LDAH: variants seen among roughly 807,000 people sequenced by gnomAD.
LDAH encodes the protein lipid droplet associated hydrolase.
Under a neutral mutation model 29.6 loss-of-function variants are expected in LDAH, and 26 were observed. That is an observed-to-expected ratio of 0.88 (90% CI 0.64 to 1.22). LDAH has a LOEUF of 1.22. LDAH is among the 50% of genes most tolerant of loss of function. The probability of loss-of-function intolerance (pLI) is 0.00; values close to 1 mark genes in which losing one functional copy is unlikely to be tolerated. For synonymous variants in LDAH, 117 were observed against 133.0 expected, an observed-to-expected ratio of 0.88 and a Z score of 0.83; for missense variants, 344 against 387.3, an observed-to-expected ratio of 0.89 and a Z score of 0.94.
chr2:20,794,828 A>G (rs1285402792), intron 2 of LDAH, among the ~76,000 whole-genome samples: 1 of 152,202 alleles, frequency 6.6e-6, no homozygotes, highest in Non-Finnish European at 1.5e-5. Context: ...TGGCACTCAC[A>G]TACAATAAAT....
chr2:20,812,548 T>C (rs16988079), intron 1 of LDAH, among the ~76,000 whole-genome samples: 5,651 of 152,288 alleles, frequency 0.037, 131 homozygotes, highest in Middle Eastern at 0.051. Flanking sequence ...TCATGACTTC[T>C]CTGCTGCCAT....
At chr2:20,764,902 T>C (rs1047013048) in intron 4 of LDAH, among the ~76,000 whole-genome samples, 5 of 152,222 alleles carry the variant, frequency 3.3e-5, no homozygotes, top group African/African-American at 1.2e-4. Context: ...AAAAATCAGA[T>C]TGTTAAAATA....
chr2:20,694,949 T>G (rs1021549566), intron 6 of LDAH, among the ~76,000 whole-genome samples: 1 of 152,248 alleles, frequency 6.6e-6, no homozygotes, highest in African/African-American at 2.4e-5. Flanking sequence ...GGGCCTCTGC[T>G]TTCCTCTGGC....
chr2:20,736,865 G>T lies in LDAH; in HGVS notation c.703+3106C>A, dbSNP rs115088994. On this transcript the variant is annotated intron_variant, in intron 5 of 6. Transcript: ENST00000237822. ...ATGGTATTTAAGTCTGAACTCAGAA[G>T]CCACCTCTTTGAGATTTACTCATTT... is the stretch of plus-strand genomic sequence containing the variant. 2.4e-3 allele frequency among the ~76,000 whole-genome samples: 359 copies of T among 152,214 alleles called. 1 individual carries two copies. The highest frequency in any genetic ancestry group is 8.4e-3 in the African/African-American group (349 of 41,550).
At chr2:20,778,211 A>G (rs1669946672) in intron 3 of LDAH, among the ~76,000 whole-genome samples, 1 of 152,172 alleles carries the variant, frequency 6.6e-6, no homozygotes, top group Admixed American at 6.5e-5. Flanking sequence ...CTGTAACCCC[A>G]GCCCCAATAT....
chr2:20,686,927 T>C lies in LDAH; in HGVS notation c.954A>G (p.Leu318=). Residue 318 remains leucine (L), a synonymous_variant, in exon 7 of 7, where the codon CTA becomes CTG. Coordinates refer to ENST00000237822, the MANE Select transcript of LDAH (RefSeq NM_021925.4). ...TTTACATTTTGGACAAGTCATCCTTTAGGGAGTCAGCAATCATGTCTGCCA... is the reference window on the plus strand; with the variant it reads ...TTTACATTTTGGACAAGTCATCCTTCAGGGAGTCAGCAATCATGTCTGCCA... ...QEMADMIADS[L]KDDLSKM is the part of the protein sequence containing the mutation. The C allele has an allele frequency of 6.2e-7, 1 of 1,613,904 alleles. No individual in the cohort carries two copies. Among genetic ancestry groups the C allele is most frequent in the Non-Finnish European group, 8.5e-7 (1 of 1,179,878 alleles).
chr2:20,756,678 T>G (rs1668365731), intron 4 of LDAH, among the ~76,000 whole-genome samples: 1 of 151,964 alleles, frequency 6.6e-6, no homozygotes, highest in African/African-American at 2.4e-5. Context: ...TGCAAAAAAC[T>G]AAAAATTGAA....
intron 5 of LDAH, among the ~76,000 whole-genome samples, chr2:20,735,489 TCTC>T (rs1666711579): frequency 6.6e-6 from 1 of 152,218 alleles, no homozygotes; most frequent in Non-Finnish European, 1.5e-5. Context: ...TTTTCTATCT[TCTC>T]ATTAGTTTCA....
chr2:20,716,323 A>C (rs2149387153), intron 5 of LDAH, among the ~76,000 whole-genome samples: 1 of 152,262 alleles, frequency 6.6e-6, no homozygotes, highest in African/African-American at 2.4e-5. Context: ...ACTTGGAACC[A>C]ACCCAAATGT....
intron 5 of LDAH, among the ~76,000 whole-genome samples, chr2:20,715,189 A>C (rs1031164064): frequency 1.3e-5 from 2 of 152,224 alleles, no homozygotes; most frequent in East Asian, 3.8e-4. Flanking sequence ...TCCACGATCA[A>C]GTTGGCTTCA....
chr2:20,776,559 G>A (rs1669840136), intron 3 of LDAH, among the ~76,000 whole-genome samples: 1 of 152,086 alleles, frequency 6.6e-6, no homozygotes, highest in Non-Finnish European at 1.5e-5. Context: ...AACATGTTAT[G>A]CTCTCACTCT....
chr2:20,814,179 T>C (rs1390905566), intron 1 of LDAH, among the ~76,000 whole-genome samples: 1 of 142,384 alleles, frequency 7.0e-6, no homozygotes, highest in Non-Finnish European at 1.5e-5. Flanking sequence ...TCATACTTAC[T>C]GAGAAAGAGC....
At chr2:20,790,791 C>T (rs1420205138) in intron 2 of LDAH, among the ~76,000 whole-genome samples, 1 of 152,162 alleles carries the variant, frequency 6.6e-6, no homozygotes, top group Non-Finnish European at 1.5e-5. Flanking sequence ...TAATTGTAAA[C>T]AGGTGTACAG....
rs375720453 is a variant in LDAH at position 20,779,551 on chromosome 2, CATATATATAA to C, written c.299-4582_299-4573del. On this transcript the variant is annotated intron_variant, in intron 3 of 6. Coordinates refer to ENST00000237822, the MANE Select transcript of LDAH (RefSeq NM_021925.4). ...ATAATATGTTGTTCACCATGCTATA[CATATATATAA>C]ATATATATAACTACAAACATAAAAA... is the stretch of plus-strand genomic sequence containing the variant. 5.2e-3 allele frequency among the ~76,000 whole-genome samples: 796 copies of C among 151,712 alleles called. 7 individuals are homozygous for C. Among genetic ancestry groups the C allele is most frequent in the African/African-American group, 0.018 (742 of 41,366 alleles).
chr2:20,813,843 CT>C (rs1672666762), intron 1 of LDAH, among the ~76,000 whole-genome samples: 1 of 152,080 alleles, frequency 6.6e-6, no homozygotes, highest in African/African-American at 2.4e-5. Context: ...TGTTTGTTAG[CT>C]TTTTAGACTA....
rs970397140 is a variant in LDAH at position 20,717,265 on chromosome 2, A to T, written c.704-15613T>A. Among the ~76,000 whole-genome samples the T allele has an allele frequency of 2.6e-5, 4 of 152,268 alleles. 1 individual carries two copies. Among genetic ancestry groups the T allele is most frequent in the African/African-American group, 7.2e-5 (3 of 41,554 alleles). ...ATTGTTAAATTACATTAAAATTAGA[A>T]TTTTTTTCCAGCAAAAAGACCATAT... On this transcript the variant is annotated intron_variant, in intron 5 of 6. Transcript: ENST00000237822.
chr2:20,699,883 G>A (rs780117941), intron 6 of LDAH, among the ~76,000 whole-genome samples: 1 of 152,182 alleles, frequency 6.6e-6, no homozygotes, highest in Non-Finnish European at 1.5e-5. Context: ...GAATAAGTTA[G>A]CACCTTTCTT....
chr2:20,685,101 T>C lies in LDAH; in HGVS notation c.*1802A>G. On this transcript the variant is annotated 3_prime_UTR_variant, in exon 7 of 7. Transcript: ENST00000237822. The stretch of plus-strand genomic sequence containing the variant: ...TTCAAAAATTCATTTGGTTTTCAGA[T>C]GATAAATAGGAATTAAGAATGAGTA... The C allele has an allele frequency of 1.3e-6, 1 of 765,458 alleles. No individual in the cohort carries two copies. Among genetic ancestry groups the C allele is most frequent in the Non-Finnish European group, 1.9e-6 (1 of 525,202 alleles). 47.4% of individuals were successfully genotyped at this position (765,458 alleles called of 1,614,324 possible). A position where few individuals can be genotyped will look rare whatever the true frequency, so the allele number is the denominator to read the frequency against.
Position 20,728,377 on chromosome 2 carries a change from C to G in LDAH, c.703+11594G>C, listed in dbSNP as rs865791212. On this transcript the variant is annotated intron_variant, in intron 5 of 6. Transcript: ENST00000237822. Reference sequence around the variant, plus strand: ...TTCCCAGCTGGGAATGATCTCTGACCTGATCTTCTTTTCCCTTGATAACCC... The same window carrying G: ...TTCCCAGCTGGGAATGATCTCTGACGTGATCTTCTTTTCCCTTGATAACCC... Among the ~76,000 whole-genome samples the G allele has an allele frequency of 4.6e-5, 7 of 152,268 alleles. No homozygotes were observed. In the Middle Eastern group the frequency reaches 0.014, roughly 296 times the overall value.
Sources: allele counts gnomAD v4.1 joint callset (sites outside exome capture counted in the v4.1 genomes callset), GRCh38; gene constraint gnomAD v4.1.1; transcripts MANE v1.5; gene names NCBI Gene and HGNC (gene_info 2026-07-23, HGNC 2026-07-21).